CTNNA3: variants seen among roughly 807,000 people sequenced by gnomAD.
CTNNA3 encodes catenin alpha 3.
Under a neutral mutation model 95.7 loss-of-function variants are expected in CTNNA3, and 76 were observed. The observed-to-expected ratio is 0.79, with a 90% confidence interval of 0.66 to 0.96. The LOEUF (loss-of-function observed/expected upper bound fraction) is 0.96. Among genes scored for constraint, CTNNA3 ranks in the 40% least tolerant of loss-of-function variants. The probability of loss-of-function intolerance (pLI) is 0.00; values close to 1 mark genes in which losing one functional copy is unlikely to be tolerated. For missense variants in CTNNA3, 1,191 were observed against 1,089.8 expected (o/e 1.09, Z -1.31); for synonymous variants, 431 against 374.4 (o/e 1.15, Z -1.74).
intron 8 of CTNNA3, among the ~76,000 whole-genome samples, chr10:66,773,550 A>T (rs10128225): frequency 0.86 from 131,389 of 152,156 alleles, 57,201 homozygotes; most frequent in East Asian, 1. Context: ...CTAGCCACAG[A>T]TGCCATTTGA....
At chr10:67,698,240 G>GA (rs899243127), upstream of CTNNA3, among the ~76,000 whole-genome samples, 91 of 132,400 alleles carry the variant, frequency 6.9e-4, no homozygotes, top group Middle Eastern at 3.6e-3. Context: ...AAGAGCTGGG[G>GA]AAAAAAAAAA....
chr10:66,730,277 G>T, intron 9 of CTNNA3, among the ~76,000 whole-genome samples: 1 of 152,056 alleles, frequency 6.6e-6, no homozygotes, highest in Non-Finnish European at 1.5e-5. Context: ...GCCATAAAAA[G>T]GAATGAGATC....
intron 5 of CTNNA3, among the ~76,000 whole-genome samples, chr10:67,237,126 GTATATATATATATATA>G (rs59511861): frequency 0.026 from 1,017 of 39,868 alleles, 65 homozygotes; most frequent in African/African-American, 0.096. Context: ...TATGGTGTAT[GTATATATATATATATA>G]TATATATATA....
chr10:66,343,614 G>A (rs1318430646), intron 12 of CTNNA3, among the ~76,000 whole-genome samples: 1 of 151,922 alleles, frequency 6.6e-6, no homozygotes, highest in Non-Finnish European at 1.5e-5. Context: ...ATTTATTAGA[G>A]GATACAAAAT....
At chr10:67,680,315 T>G (rs1840603522) in intron 1 of CTNNA3, among the ~76,000 whole-genome samples, 1 of 152,166 alleles carries the variant, frequency 6.6e-6, no homozygotes, top group Admixed American at 6.5e-5. Context: ...TTTTAACAAT[T>G]TGTATGCCTC....
chr10:67,318,507 A>G (rs1841165765), intron 5 of CTNNA3, among the ~76,000 whole-genome samples: 1 of 152,184 alleles, frequency 6.6e-6, no homozygotes, highest in Non-Finnish European at 1.5e-5. Context: ...GCATAAACCA[A>G]AGAACAAACA....
intron 1 of CTNNA3, among the ~76,000 whole-genome samples, chr10:67,651,378 C>T (rs563852969): frequency 2.0e-5 from 3 of 152,144 alleles, no homozygotes; most frequent in African/African-American, 7.2e-5. Flanking sequence ...TTTTGTCTTC[C>T]TAACACCTTA....
chr10:66,532,011 C>T (rs1841482084), intron 10 of CTNNA3, among the ~76,000 whole-genome samples: 1 of 152,036 alleles, frequency 6.6e-6, no homozygotes, highest in African/African-American at 2.4e-5. Context: ...AATATTTTTG[C>T]CAAATCTCCT....
rs111415064 is a variant in CTNNA3, at chr10:66,551,754, C to T, written c.1375-30981G>A. ...CCGTTTGTAAGTTCTGTTTTACCTT[C>T]TGAGAATGATAGGGATTAAATTTCA... On this transcript the variant is annotated intron_variant, in intron 10 of 17. Transcript: ENST00000433211. 6.9e-3 allele frequency among the ~76,000 whole-genome samples: 1,048 copies of T among 152,108 alleles called. 15 individuals carry two copies. The highest frequency in any genetic ancestry group is 0.024 in the African/African-American group (1,002 of 41,512).
chr10:66,084,070 G>A lies in CTNNA3; in HGVS notation c.1978-14581C>T, dbSNP rs183068690. Among the ~76,000 whole-genome samples, 16 of 148,990 alleles carry A rather than the reference G, an allele frequency of 1.1e-4. No homozygotes were observed. The Admixed American group carries it at 1.1e-3, about 10-fold the overall frequency. The stretch of plus-strand genomic sequence containing the variant: ...GAATCACTTGAACCCAGTAGGCAGA[G>A]GTTGCGGTGAGCCAAGATTGGGCCA... On this transcript the variant is annotated intron_variant, in intron 14 of 17. Coordinates refer to ENST00000433211, the MANE Select transcript of CTNNA3 (RefSeq NM_013266.4).
intron 10 of CTNNA3, among the ~76,000 whole-genome samples, chr10:66,533,547 G>T (rs1295344125): frequency 6.6e-6 from 1 of 152,060 alleles, no homozygotes; most frequent in East Asian, 1.9e-4. Context: ...TCTGATGAAT[G>T]ACTAATCTCT....
chr10:66,122,009 C>T (rs928654569), intron 13 of CTNNA3, among the ~76,000 whole-genome samples: 6 of 152,126 alleles, frequency 3.9e-5, no homozygotes, highest in Admixed American at 2.0e-4. Flanking sequence ...ATGACAACTT[C>T]CCACACAACC....
chr10:66,963,288 C>T (rs1217732506), intron 7 of CTNNA3, among the ~76,000 whole-genome samples: 1 of 152,134 alleles, frequency 6.6e-6, no homozygotes, highest in Non-Finnish European at 1.5e-5. Context: ...GCTTTGAACT[C>T]CACCTCTGCA....
chr10:66,892,275 A>G (rs1406022263), intron 7 of CTNNA3, among the ~76,000 whole-genome samples: 1 of 152,100 alleles, frequency 6.6e-6, no homozygotes, highest in African/African-American at 2.4e-5. Context: ...TCAAAATGCA[A>G]TGTGTTCCTT....
At chr10:66,254,047 A>C (rs1350908106) in intron 13 of CTNNA3, among the ~76,000 whole-genome samples, 1 of 152,164 alleles carries the variant, frequency 6.6e-6, no homozygotes, top group Non-Finnish European at 1.5e-5. Flanking sequence ...GGAGCCTCAG[A>C]TGCCTTCTCT....
chr10:67,428,799 G>T (rs1356655829), intron 5 of CTNNA3, among the ~76,000 whole-genome samples: 2 of 151,908 alleles, frequency 1.3e-5, no homozygotes, highest in African/African-American at 4.8e-5. Flanking sequence ...GAGAGATGGG[G>T]CTAGCCTACC....
Position 65,960,584 on chromosome 10 carries a change from A to G in CTNNA3, c.2400+6028T>C, listed in dbSNP as rs543714765. ...CAGTTTTGTTACAAGGGTATATAGC[A>G]TGATGCTGAGGTCTGGGCTTCTATT... is the stretch of plus-strand genomic sequence containing the variant. On this transcript the variant is annotated intron_variant, in intron 17 of 17. Coordinates refer to ENST00000433211, the MANE Select transcript of CTNNA3 (RefSeq NM_013266.4). Among the ~76,000 whole-genome samples, 23 of 152,298 alleles carry G rather than the reference A, an allele frequency of 1.5e-4. No homozygotes were observed. In the South Asian group the frequency reaches 2.3e-3, roughly 15 times the overall value.
chr10:66,832,851 T>C (rs979068579), intron 7 of CTNNA3, among the ~76,000 whole-genome samples: 3 of 152,094 alleles, frequency 2.0e-5, no homozygotes, highest in African/African-American at 7.2e-5. Flanking sequence ...AGTAGCTAGA[T>C]TTCTGAGCAC....
chr10:67,071,337 T>G (rs1856443830), intron 7 of CTNNA3, among the ~76,000 whole-genome samples: 3 of 151,226 alleles, frequency 2.0e-5, no homozygotes, highest in Admixed American at 2.0e-4. Flanking sequence ...TGGGTTTTTT[T>G]TTTTTTGGTC....
Sources: allele counts gnomAD v4.1 joint callset (sites outside exome capture counted in the v4.1 genomes callset), GRCh38; gene constraint gnomAD v4.1.1; transcripts MANE v1.5; gene names NCBI Gene and HGNC (gene_info 2026-07-23, HGNC 2026-07-21).